Variants in PINLYP observed in about 807,000 individuals in gnomAD.
The protein encoded by PINLYP is phospholipase A2 inhibitor and Ly6/PLAUR domain-containing protein.
Under a neutral mutation model 15.8 loss-of-function variants are expected in PINLYP, and 12 were observed. The observed-to-expected ratio is 0.76, with a 90% CI of 0.49 to 1.23. The LOEUF is 1.23. Ranked by LOEUF, PINLYP falls within the 50% of genes most tolerant of loss-of-function variation. The probability of loss-of-function intolerance (pLI) is 0.00; values close to 1 mark genes in which losing one functional copy is unlikely to be tolerated. For synonymous variants in PINLYP, 93 were observed against 97.7 expected (o/e 0.95, Z 0.28); for missense variants, 278 against 264.2 (o/e 1.05, Z -0.36).
exon 6 of PINLYP, chr19:43,581,868 G>A: frequency 6.5e-7 from 1 of 1,536,764 alleles, no homozygotes. Flanking sequence ...TCCCTTTCAG[G>A]TATTTTCAAA....
upstream of PINLYP, chr19:43,575,519 A>C: frequency 1.4e-6 from 2 of 1,428,088 alleles, no homozygotes; most frequent in Non-Finnish European, 2.0e-6. Flanking sequence ...TCCGAGGGGC[A>C]GGGAGAGTGG....
chr19:43,577,631 G>C (rs896030965), intron 2 of PINLYP, among the ~76,000 whole-genome samples: 6 of 151,614 alleles, frequency 4.0e-5, no homozygotes, highest in African/African-American at 1.5e-4. Flanking sequence ...GGCCAGGTGC[G>C]GTGGCTCATG....
intron 4 of PINLYP, 56 bp from the exon 5 acceptor site, chr19:43,581,507 G>A (rs1972931796): frequency 2.0e-6 from 3 of 1,511,994 alleles, no homozygotes; most frequent in African/African-American, 2.8e-5. Flanking sequence ...TTGTTGGGAG[G>A]TTGGGGGAAC....
chr19:43,578,601 C>T, exon 3 of PINLYP: 1 of 1,535,838 alleles, frequency 6.5e-7, no homozygotes, highest in Non-Finnish European at 8.7e-7. Flanking sequence ...GTGCCCACTA[C>T]ACTGCGAAAT....
Position 43,581,719 on chromosome 19 carries a change from A to C in PINLYP, c.481+16A>C, listed in dbSNP as rs553766113. ...GTGCAGGCTGGTGAGTGGTGCCTGA[A>C]TCTCTGGAAAAGGAAACAGAACTAG... is the stretch of plus-strand genomic sequence containing the variant. On this transcript the variant is annotated intron_variant, in intron 5 of 5. Coordinates refer to ENST00000599207, the Ensembl canonical transcript of PINLYP. 5.2e-6 allele frequency: 8 copies of C among 1,536,004 alleles called. No individual in the cohort carries two copies. The highest frequency in any genetic ancestry group is 1.4e-5 in the African/African-American group (1 of 73,118).
At chr19:43,581,444 T>A (rs1261288181) in intron 4 of PINLYP, 80 bp downstream of exon 4, 1 of 1,518,210 alleles carries the variant, frequency 6.6e-7, no homozygotes, top group African/African-American at 1.4e-5. Context: ...TCTGAGCCTG[T>A]TTCCTTACCT....
chr19:43,581,517 C>A (rs573690945), intron 4 of PINLYP, 46 bp from the exon 5 acceptor site: 31 of 1,513,380 alleles, frequency 2.0e-5, no homozygotes, highest in Non-Finnish European at 2.6e-5. Context: ...GTTGGGGGAA[C>A]GGCTTAAACA....
intron 3 of PINLYP, among the ~76,000 whole-genome samples, chr19:43,580,209 C>T (rs573807552): frequency 2.6e-5 from 4 of 152,104 alleles, no homozygotes; most frequent in African/African-American, 9.6e-5. Context: ...GAAGAGAACC[C>T]CCATCCCGGC....
rs781409462 is a variant in PINLYP at position 43,581,906 on chromosome 19, A to G, written c.520A>G (p.Thr174Ala). Residue 174 changes from threonine (T) to alanine (A), a missense_variant, in exon 6 of 6, where the codon ACA (threonine) becomes GCA (alanine). By Grantham distance (58) the Thr-to-Ala change is moderately conservative. Coordinates refer to ENST00000599207, the Ensembl canonical transcript of PINLYP. The stretch of plus-strand genomic sequence containing the variant: ...CAGATTTGCTATGCGGGGCTGTGCT[A>G]CAGAGAGTATGTGCTTTACCAAGCC... The G allele has an allele frequency of 3.9e-6, 6 of 1,536,612 alleles. No individual in the cohort carries two copies. The African/African-American group carries it at 4.1e-5, about 11-fold the overall frequency.
upstream of PINLYP, chr19:43,575,641 G>A: frequency 2.0e-6 from 1 of 496,542 alleles, no homozygotes; most frequent in East Asian, 3.4e-5. Flanking sequence ...GCCCAGTCGC[G>A]CCTCTCCAGA....
upstream of PINLYP, chr19:43,575,715 A>G: frequency 2.6e-6 from 1 of 388,772 alleles, no homozygotes; most frequent in Non-Finnish European, 4.7e-6. Flanking sequence ...CCTCCGCCAC[A>G]CACAACCCCG....
At chr19:43,581,037 C>G in intron 3 of PINLYP, 175 bp from the exon 4 acceptor site, 1 of 786,890 alleles carries the variant, frequency 1.3e-6, no homozygotes, top group South Asian at 2.1e-5. Context: ...CGCCATTGCA[C>G]TCCAGCCTGG....
chr19:43,575,518 C>T, upstream of PINLYP: 2 of 1,562,254 alleles, frequency 1.3e-6, no homozygotes, highest in Non-Finnish European at 1.8e-6. Flanking sequence ...GTCCGAGGGG[C>T]AGGGAGAGTG....
chr19:43,577,197 G>A, exon 2 of PINLYP: 3 of 1,536,084 alleles, frequency 2.0e-6, no homozygotes, highest in East Asian at 4.9e-5. Context: ...ACACCATGAG[G>A]CTCTCCAGGA....
intron 2 of PINLYP, among the ~76,000 whole-genome samples, chr19:43,578,055 G>A (rs570351161): frequency 1.3e-5 from 2 of 152,174 alleles, no homozygotes; most frequent in Admixed American, 1.3e-4. Flanking sequence ...CAGGACCCAG[G>A]TTTCTGGGCC....
chr19:43,577,668 C>G (rs1466964362), intron 2 of PINLYP, among the ~76,000 whole-genome samples: 1 of 151,462 alleles, frequency 6.6e-6, no homozygotes, highest in Non-Finnish European at 1.5e-5. Flanking sequence ...TTTAAGAGGC[C>G]GAGGCAGGTG....
At chr19:43,578,670 G>A (rs1972894112) in exon 3 of PINLYP, 1 of 1,535,896 alleles carries the variant, frequency 6.5e-7, no homozygotes, top group South Asian at 1.2e-5. Context: ...CAGTGACAAG[G>A]ACACATGTGT....
In PINLYP at chr19:43,581,374, C is replaced by T; in HGVS notation, c.340+10C>T. On this transcript the variant is annotated intron_variant, in intron 4 of 5. Coordinates refer to ENST00000599207, the Ensembl canonical transcript of PINLYP. ...AGTGCCTTTTTGTCTGGTAAGAAGC[C>T]CGTGGTGTGTGGTGTGTGCTCTGGC... 1 of 1,536,498 alleles carries T rather than the reference C, an allele frequency of 6.5e-7. No individual in the cohort carries two copies. Among genetic ancestry groups the T allele is most frequent in the Non-Finnish European group, 8.7e-7 (1 of 1,146,846 alleles).
chr19:43,575,541 G>C (rs188762977), upstream of PINLYP: 4 of 1,456,092 alleles, frequency 2.7e-6, no homozygotes, highest in African/African-American at 4.2e-5. Context: ...AGGGGGCGGG[G>C]TGCGCCCTGC....
Sources: gnomAD v4.1 joint callset for allele counts (sites outside exome capture counted in the v4.1 genomes callset) on GRCh38, gnomAD v4.1.1 for gene constraint, MANE v1.5 for transcripts, NCBI Gene and HGNC (gene_info 2026-07-23, HGNC 2026-07-21) for gene names.